The following SMARCA1 variants were observed in gnomAD, a reference collection of about 807,000 sequenced individuals.
SMARCA1 encodes SNF2 related chromatin remodeling ATPase 1.
A neutral mutation model predicts 93.6 loss-of-function variants in SMARCA1; 17 were observed. That is an observed-to-expected ratio of 0.18 (90% CI 0.12 to 0.27). The LOEUF (loss-of-function observed/expected upper bound fraction) is 0.27. Ranked by LOEUF, SMARCA1 falls within the 10% of genes least tolerant of loss-of-function variation. The probability of loss-of-function intolerance (pLI) is 1.00; values close to 1 mark genes in which losing one functional copy is unlikely to be tolerated. For missense variants in SMARCA1, 630 were observed against 819.0 expected (o/e 0.77, Z 2.82); for synonymous variants, 271 against 271.4 (o/e 1.00, Z 0.01).
At chrX:129,473,885 T>C (rs1933254905) in intron 19 of SMARCA1, among the ~76,000 whole-genome samples, 1 of 111,695 alleles carries the variant, frequency 9.0e-6, no homozygotes, top group South Asian at 3.7e-4. Context: ...GTTACATAAG[T>C]GTATGCACTT....
intron 17 of SMARCA1, among the ~76,000 whole-genome samples, chrX:129,482,916 C>G (rs192785007): frequency 9.0e-6 from 1 of 111,596 alleles, no homozygotes; most frequent in Admixed American, 9.5e-5. Context: ...ACCTTGGCAT[C>G]GTATTTTAAG....
chrX:129,482,080 A>G (rs1490891778), intron 17 of SMARCA1, among the ~76,000 whole-genome samples: 2 of 92,957 alleles, frequency 2.2e-5, no homozygotes, highest in African/African-American at 4.0e-5. Flanking sequence ...CTATCGCAAG[A>G]ACAAAAAACC....
chrX:129,511,663 C>T lies in SMARCA1; in HGVS notation c.810+141G>A, dbSNP rs1935023192. 8 of 396,990 alleles carry T rather than the reference C, an allele frequency of 2.0e-5. No individual in the cohort carries two copies. In the South Asian group the frequency reaches 2.3e-4, roughly 12 times the overall value. The allele number at this position is 396,990 out of a possible 1,213,427, so 32.7% of individuals were successfully genotyped here. A position where few individuals can be genotyped will look rare whatever the true frequency, so the allele number is the denominator to read the frequency against. On this transcript the variant is annotated intron_variant, in intron 6 of 24. Coordinates refer to ENST00000371121, the MANE Select transcript of SMARCA1 (RefSeq NM_001282874.2). ...ATTAATAGATGCAAAGCACTTAAAA[C>T]AGAGTCTAGCTTAGAGTACATACAC...
chrX:129,474,399 T>C (rs1036646457), intron 19 of SMARCA1, among the ~76,000 whole-genome samples: 8 of 111,426 alleles, frequency 7.2e-5, no homozygotes, highest in African/African-American at 2.3e-4. Context: ...TTTAACAAAA[T>C]GAAAATATTT....
At chrX:129,515,566 T>C (rs977983809) in intron 5 of SMARCA1, 121 bp downstream of exon 5, 18 of 509,329 alleles carry the variant, frequency 3.5e-5, no homozygotes, top group Non-Finnish European at 5.2e-5. Context: ...AAATACCTTT[T>C]ACATGATAAC....
intron 10 of SMARCA1, 38 bp downstream of exon 10, chrX:129,499,694 A>T: frequency 1.3e-6 from 1 of 760,790 alleles, no homozygotes; most frequent in Non-Finnish European, 2.0e-6. Flanking sequence ...GTAAATTCTT[A>T]CACACAAATA....
In SMARCA1 at chrX:129,498,302, T is replaced by A. The variant is rs1934414488; in HGVS notation, c.1278-231A>T. ...ATCCATGACAAGAAACTGCCATCAG[T>A]TGACAATTATTTAGAGAATTCTATC... On this transcript the variant is annotated intron_variant, in intron 10 of 24. Transcript: ENST00000371121. 2.7e-5 allele frequency among the ~76,000 whole-genome samples: 3 copies of A among 112,103 alleles called. 1 individual carries two copies. In the South Asian group the frequency reaches 1.1e-3, roughly 42 times the overall value.
At chrX:129,466,837 T>TTA (rs368594409) in intron 21 of SMARCA1, among the ~76,000 whole-genome samples, 2 of 81,068 alleles carry the variant, frequency 2.5e-5, no homozygotes, top group East Asian at 3.7e-4. Flanking sequence ...CCTTTTCTCA[T>TTA]AAAAAAAAAA....
intron 13 of SMARCA1, among the ~76,000 whole-genome samples, 162 bp downstream of exon 13, chrX:129,492,875 CATA>C (rs1934181363): frequency 9.0e-6 from 1 of 110,923 alleles, no homozygotes; most frequent in African/African-American, 3.3e-5. Flanking sequence ...ACTAAAACAA[CATA>C]ATAACATTTT....
chrX:129,455,204 C>T (rs1011325180), intron 23 of SMARCA1, among the ~76,000 whole-genome samples: 16 of 111,451 alleles, frequency 1.4e-4, no homozygotes, highest in Non-Finnish European at 2.8e-4. Flanking sequence ...TGGAACCAAC[C>T]CAAATGCCCA....
Position 129,469,660 on chromosome X carries a change from C to T in SMARCA1, c.2566-755G>A, listed in dbSNP as rs191164467. ...CAGATGACCCCACATTTTGTTCCTA[C>T]GTACTGCCATGGTTTTTTGAAAAAG... On this transcript the variant is annotated intron_variant, in intron 20 of 24. Transcript: ENST00000371121. Among the ~76,000 whole-genome samples, 456 of 111,963 alleles carry T rather than the reference C, an allele frequency of 4.1e-3. 1 individual carries two copies. Among genetic ancestry groups the T allele is most frequent in the African/African-American group, 0.014 (434 of 30,835 alleles).
At chrX:129,450,557 G>A (rs1446852800) in intron 23 of SMARCA1, among the ~76,000 whole-genome samples, 1 of 111,674 alleles carries the variant, frequency 9.0e-6, no homozygotes, top group African/African-American at 3.3e-5. Flanking sequence ...GAAATGTATT[G>A]TAAGGAAATA....
At chrX:129,504,000 G>A (rs1228828724) in intron 9 of SMARCA1, among the ~76,000 whole-genome samples, 8 of 106,761 alleles carry the variant, frequency 7.5e-5, no homozygotes, top group Admixed American at 4.0e-4. Flanking sequence ...AAGAAAGGTC[G>A]GATGCAGTGG....
At chrX:129,474,229 A>G (rs931045366) in intron 19 of SMARCA1, among the ~76,000 whole-genome samples, 6 of 111,907 alleles carry the variant, frequency 5.4e-5, no homozygotes, top group Admixed American at 2.8e-4. Flanking sequence ...TTTTTTTAAA[A>G]GTACAGATAC....
In SMARCA1 at chrX:129,511,839, G is replaced by A. The variant is rs139344592; in HGVS notation, c.775C>T (p.Arg259Cys). 2.0e-4 allele frequency: 235 copies of A among 1,200,212 alleles called. No homozygotes were observed. In the African/African-American group the frequency reaches 3.3e-3, roughly 17 times the overall value. ...TTGTCTCCGACAAAACAAATGACAC[G>A]GAGAGATGGGACCCATCGTTTAAAT... ...NEFKRWVPSL[R>C]VICFVGDKDA... The change falls in exon 6 of 25, where the codon CGT (arginine) becomes TGT (cysteine). Residue 259 changes from arginine to cysteine, a missense_variant. By Grantham distance (180) the Arg-to-Cys change is radical. This residue lies in a region of SMARCA1 where 382 missense variants were observed against 537.9 expected (regional missense o/e 0.71). Coordinates refer to ENST00000371121, the MANE Select transcript of SMARCA1 (RefSeq NM_001282874.2).
intron 23 of SMARCA1, among the ~76,000 whole-genome samples, chrX:129,453,734 G>A (rs1932432531): frequency 9.0e-6 from 1 of 111,271 alleles, no homozygotes; most frequent in African/African-American, 3.3e-5. Context: ...CAACTTACAA[G>A]GGATGTGAAG....
At chrX:129,453,091 C>T (rs1932390642) in intron 23 of SMARCA1, among the ~76,000 whole-genome samples, 1 of 111,536 alleles carries the variant, frequency 9.0e-6, no homozygotes, top group Non-Finnish European at 1.9e-5. Context: ...TACCAACCAG[C>T]CATTCCCCCA....
intron 19 of SMARCA1, among the ~76,000 whole-genome samples, chrX:129,479,971 T>G (rs773160049): frequency 1.1e-3 from 119 of 112,116 alleles, no homozygotes; most frequent in African/African-American, 3.5e-3. Flanking sequence ...GTGCTGGGAT[T>G]ACAGGCATGA....
chrX:129,451,225 T>A (rs1932274137), intron 23 of SMARCA1, among the ~76,000 whole-genome samples: 1 of 112,004 alleles, frequency 8.9e-6, no homozygotes. Context: ...CTTCATTCAA[T>A]AACACACATA....
Sources: gnomAD v4.1 joint callset for allele counts (sites outside exome capture counted in the v4.1 genomes callset) on GRCh38, gnomAD v4.1.1 for gene constraint, gnomAD v4.1.1 regional missense constraint, MANE v1.5 for transcripts, NCBI Gene and HGNC (gene_info 2026-07-23, HGNC 2026-07-21) for gene names.